Variants in AHI1 observed in about 807,000 individuals in gnomAD.
AHI1 encodes Abelson helper integration site 1.
AHI1 carries 123 observed loss-of-function variants against 149.3 expected under a neutral mutation model. The ratio of observed to expected loss-of-function variants is 0.82; its 90% CI spans 0.71 to 0.96. AHI1 has a LOEUF of 0.96. Ranked by LOEUF, AHI1 falls within the 40% of genes least tolerant of loss-of-function variation. The probability of loss-of-function intolerance (pLI) is 0.00; values close to 1 mark genes in which losing one functional copy is unlikely to be tolerated. For synonymous variants in AHI1, 475 were observed against 459.8 expected (o/e 1.03, Z -0.42); for missense variants, 1,439 against 1,422.7 (o/e 1.01, Z -0.18).
At chr6:135,328,024 T>C (rs1398349032) in intron 24 of AHI1, among the ~76,000 whole-genome samples, 2 of 152,082 alleles carry the variant, frequency 1.3e-5, no homozygotes, top group Non-Finnish European at 2.9e-5. Flanking sequence ...AAGAGGGGGT[T>C]GTGGGAACCC....
chr6:135,361,121 A>C (rs539043135), intron 23 of AHI1, among the ~76,000 whole-genome samples: 1 of 152,162 alleles, frequency 6.6e-6, no homozygotes, highest in African/African-American at 2.4e-5. Context: ...CATATTTTTT[A>C]ATGGCTAATG....
chr6:135,426,724 T>C (rs1275145989), intron 20 of AHI1, among the ~76,000 whole-genome samples: 1 of 151,682 alleles, frequency 6.6e-6, no homozygotes, highest in African/African-American at 2.4e-5. Flanking sequence ...TTATTATTTC[T>C]CAGAATGATA....
chr6:135,426,866 T>G (rs1783984174), intron 20 of AHI1, among the ~76,000 whole-genome samples: 1 of 151,744 alleles, frequency 6.6e-6, no homozygotes, highest in Non-Finnish European at 1.5e-5. Context: ...CTATGTGCTT[T>G]AGTAACAACA....
At chr6:135,480,811 T>C (rs987194320) in intron 5 of AHI1, among the ~76,000 whole-genome samples, 3 of 152,182 alleles carry the variant, frequency 2.0e-5, no homozygotes, top group Admixed American at 6.5e-5. Flanking sequence ...GAGAGCATTA[T>C]TGGCTGAGCT....
At position 135,497,693 on chromosome 6, in the gene AHI1, A is replaced by C. The variant is rs2128143548; in HGVS notation, c.-312T>G. 1 of 167,404 alleles carries C rather than the reference A, an allele frequency of 6.0e-6. No individual in the cohort carries two copies. The highest frequency in any genetic ancestry group is 1.9e-4 in the East Asian group (1 of 5,222). The allele number at this position is 167,404 out of a possible 1,614,324, so 10.4% of individuals were successfully genotyped here. ...CGCGAAGTGAGGCGGCCACGCAGCCACCTAACCCGCCAGCGACCCGTGTCC... is the reference window on the plus strand; with the variant it reads ...CGCGAAGTGAGGCGGCCACGCAGCCCCCTAACCCGCCAGCGACCCGTGTCC... On this transcript the variant is annotated 5_prime_UTR_variant, in exon 1 of 29. Coordinates refer to ENST00000265602, the MANE Select transcript of AHI1 (RefSeq NM_001134831.2).
intron 11 of AHI1, among the ~76,000 whole-genome samples, chr6:135,452,079 T>C (rs1341541572): frequency 1.3e-5 from 2 of 152,202 alleles, no homozygotes; most frequent in African/African-American, 2.4e-5. Context: ...ATGTCTCAAC[T>C]GGATTTTAAC....
chr6:135,445,983 G>A (rs545988223), intron 13 of AHI1, among the ~76,000 whole-genome samples: 1 of 151,974 alleles, frequency 6.6e-6, no homozygotes, highest in Admixed American at 6.6e-5. Flanking sequence ...ATGAACCCGG[G>A]AGGTGGAGCT....
intron 22 of AHI1, among the ~76,000 whole-genome samples, chr6:135,401,394 C>T (rs924486791): frequency 1.3e-5 from 2 of 152,122 alleles, no homozygotes; most frequent in Non-Finnish European, 2.9e-5. Flanking sequence ...TCAATAAATA[C>T]TTGCTTAAAG....
In AHI1 at chr6:135,335,862, C is replaced by A. The variant is rs376499261; in HGVS notation, c.3166-12538G>T. On this transcript the variant is annotated intron_variant, in intron 24 of 28. Coordinates refer to ENST00000265602, the MANE Select transcript of AHI1 (RefSeq NM_001134831.2). Reference sequence around the variant, plus strand: ...TAAACAGGACCGGCGTGGTGGCTCACGCCTGTAATCCCAACCTAGGTGGGT... The same window carrying A: ...TAAACAGGACCGGCGTGGTGGCTCAAGCCTGTAATCCCAACCTAGGTGGGT... Among the ~76,000 whole-genome samples, 12 of 152,130 alleles carry A rather than the reference C, an allele frequency of 7.9e-5. 1 individual carries two copies. The highest frequency in any genetic ancestry group is 1.9e-4 in the East Asian group (1 of 5,178).
chr6:135,465,842 C>A lies in AHI1; in HGVS notation c.721G>T (p.Val241Phe). The A allele has an allele frequency of 6.8e-7, 1 of 1,473,930 alleles. No individual in the cohort carries two copies. Among genetic ancestry groups the A allele is most frequent in the Non-Finnish European group, 9.0e-7 (1 of 1,115,702 alleles). 91.3% of individuals were successfully genotyped at this position (1,473,930 alleles called of 1,614,324 possible). A position where few individuals can be genotyped will look rare whatever the true frequency, so the allele number is the denominator to read the frequency against. The change falls in exon 7 of 29, where the codon GTT (valine) becomes TTT (phenylalanine). Residue 241 changes from valine (V) to phenylalanine (F), a missense_variant. Coordinates refer to ENST00000265602, the MANE Select transcript of AHI1 (RefSeq NM_001134831.2). ...SSEKRKKKKE[V>F]PVFSKAETST... ...GTTTCAGCTTTAGAGAAGACTGGAA[C>A]TTCCTTTTTCTTTTTCCTTTTTTCA... is the stretch of plus-strand genomic sequence containing the variant.
intron 4 of AHI1, among the ~76,000 whole-genome samples, chr6:135,491,526 A>G (rs1330674249): frequency 6.6e-6 from 1 of 152,114 alleles, no homozygotes; most frequent in Non-Finnish European, 1.5e-5. Flanking sequence ...CCCTTTTCTC[A>G]CATAGCAGGT....
intron 23 of AHI1, chr6:135,387,951 C>G: frequency 6.2e-7 from 1 of 1,613,202 alleles, no homozygotes; most frequent in Non-Finnish European, 8.5e-7. Flanking sequence ...CCCAGGTCGG[C>G]TCAGTTCTTC....
At chr6:135,418,970 C>G (rs1488914259) in intron 20 of AHI1, among the ~76,000 whole-genome samples, 1 of 128,222 alleles carries the variant, frequency 7.8e-6, no homozygotes, top group Non-Finnish European at 1.7e-5. Context: ...TGTATTTTAT[C>G]TGGCCTGACT....
rs187367807 is a variant in AHI1 at position 135,416,520 on chromosome 6, G to A, written c.2765-4976C>T. On this transcript the variant is annotated intron_variant, in intron 20 of 28. Transcript: ENST00000265602. ...CAACAACAGTTGTTTAAACTACGGT[G>A]TATTCATTTAATGAAAGGGAATTTA... is the stretch of plus-strand genomic sequence containing the variant. Among the ~76,000 whole-genome samples the A allele has an allele frequency of 8.6e-5, 13 of 151,826 alleles. No individual in the cohort carries two copies. In the East Asian group the frequency reaches 2.3e-3, roughly 27 times the overall value.
At chr6:135,332,004 A>G (rs1370200500) in intron 24 of AHI1, among the ~76,000 whole-genome samples, 4 of 149,130 alleles carry the variant, frequency 2.7e-5, no homozygotes, top group Non-Finnish European at 5.9e-5. Flanking sequence ...ATTTTCTTCT[A>G]TTTCTTTAAA....
At chr6:135,365,336 C>G (rs1774013590) in intron 23 of AHI1, among the ~76,000 whole-genome samples, 1 of 152,058 alleles carries the variant, frequency 6.6e-6, no homozygotes, top group African/African-American at 2.4e-5. Context: ...TTTTCTAGTT[C>G]TGCGAAAAAT....
At chr6:135,462,709 T>C (rs1451049891) in intron 8 of AHI1, among the ~76,000 whole-genome samples, 1 of 152,096 alleles carries the variant, frequency 6.6e-6, no homozygotes, top group African/African-American at 2.4e-5. Context: ...GAGACCAGCT[T>C]GGCCAACATG....
intron 23 of AHI1, among the ~76,000 whole-genome samples, chr6:135,380,743 CCA>C (rs36086344): frequency 0.046 from 5,558 of 120,576 alleles, 584 homozygotes; most frequent in African/African-American, 0.19. Context: ...CCCCCCCCCC[CCA>C]AAAAAAAAGT....
intron 25 of AHI1, among the ~76,000 whole-genome samples, chr6:135,321,168 T>TGGGA (rs1411718741): frequency 6.6e-6 from 1 of 151,896 alleles, no homozygotes; most frequent in African/African-American, 2.4e-5. Flanking sequence ...GAGGCTGAGA[T>TGGGA]GGGAGGACTG....
Sources: gnomAD v4.1 joint callset for allele counts (sites outside exome capture counted in the v4.1 genomes callset) on GRCh38, gnomAD v4.1.1 for gene constraint, MANE v1.5 for transcripts, NCBI Gene and HGNC (gene_info 2026-07-23, HGNC 2026-07-21) for gene names.